Variants in MAP2 observed in about 807,000 individuals in gnomAD.
MAP2 encodes the protein microtubule associated protein 2.
Under a neutral mutation model 137.6 loss-of-function variants are expected in MAP2, and 14 were observed. The observed-to-expected ratio is 0.10, with a 90% confidence interval of 0.07 to 0.16. The LOEUF is 0.16. MAP2 is among the 10% of genes least tolerant of loss of function. MAP2 has a pLI of 1.00. For synonymous variants in MAP2, 786 were observed against 782.3 expected (o/e 1.00, Z -0.08); for missense variants, 2,088 against 2,191.5 (o/e 0.95, Z 0.94).
chr2:209,439,327 T>G (rs1697174709), intron 1 of MAP2, among the ~76,000 whole-genome samples: 1 of 151,618 alleles, frequency 6.6e-6, no homozygotes, highest in Non-Finnish European at 1.5e-5. Flanking sequence ...ATACCTATAC[T>G]TCTTTGAACA....
At chr2:209,480,676 T>TCACC (rs1559216425) in intron 1 of MAP2, among the ~76,000 whole-genome samples, 2 of 152,112 alleles carry the variant, frequency 1.3e-5, no homozygotes, top group African/African-American at 4.8e-5. Flanking sequence ...AGATTTGATA[T>TCACC]CAGTATTTAT....
At chr2:209,661,723 A>G in intron 5 of MAP2, 3 of 980,760 alleles carry the variant, frequency 3.1e-6, no homozygotes, top group Non-Finnish European at 2.4e-6. Context: ...TCTCTCTACT[A>G]GGTGAAGCTG....
At chr2:209,599,846 G>A (rs2063292) in intron 3 of MAP2, among the ~76,000 whole-genome samples, 142,092 of 152,202 alleles carry the variant, frequency 0.93, 66,797 homozygotes, top group East Asian at 1. Flanking sequence ...AATTTACCAC[G>A]CCTCAGGTGT....
intron 1 of MAP2, among the ~76,000 whole-genome samples, chr2:209,425,391 T>G (rs889659932): frequency 1.2e-4 from 18 of 152,132 alleles, no homozygotes; most frequent in Non-Finnish European, 1.5e-5. Context: ...ATATACATGT[T>G]ACAAAAGGAA....
chr2:209,616,233 T>C (rs964089679), intron 3 of MAP2, among the ~76,000 whole-genome samples: 45 of 152,308 alleles, frequency 3.0e-4, no homozygotes, highest in African/African-American at 1.1e-3. Context: ...AGGTGGGGCA[T>C]CACTGGCCCG....
At chr2:209,442,499 C>T (rs1034772810) in intron 1 of MAP2, among the ~76,000 whole-genome samples, 2 of 151,592 alleles carry the variant, frequency 1.3e-5, no homozygotes, top group Non-Finnish European at 3.0e-5. Flanking sequence ...GTTTAATTAT[C>T]AGCTTAAATT....
intron 12 of MAP2, among the ~76,000 whole-genome samples, chr2:209,706,692 GA>G (rs1482112717): frequency 6.6e-6 from 1 of 152,080 alleles, no homozygotes; most frequent in Non-Finnish European, 1.5e-5. Flanking sequence ...ATTATTTGGA[GA>G]AGAGTATCTG....
intron 2 of MAP2, chr2:209,579,346 AGACTC>A (rs1222011746): frequency 2.6e-5 from 4 of 152,244 alleles, no homozygotes; most frequent in Non-Finnish European, 5.9e-5. Flanking sequence ...ATAGGCTGAT[AGACTC>A]GACTCCTGGG....
At chr2:209,616,114 C>T (rs545724875) in intron 3 of MAP2, among the ~76,000 whole-genome samples, 2 of 152,298 alleles carry the variant, frequency 1.3e-5, no homozygotes, top group South Asian at 4.1e-4. Flanking sequence ...CCTCATTCTT[C>T]TTGGGCATGG....
At chr2:209,593,648 T>A (rs555249188) in intron 3 of MAP2, among the ~76,000 whole-genome samples, 1,601 of 51,386 alleles carry the variant, frequency 0.031, 186 homozygotes, top group African/African-American at 0.057. Flanking sequence ...TATATATATA[T>A]ATATATATAT....
chr2:209,629,972 T>G (rs1364275627), intron 4 of MAP2, among the ~76,000 whole-genome samples: 2 of 152,140 alleles, frequency 1.3e-5, no homozygotes, highest in African/African-American at 2.4e-5. Context: ...TAGTTCTTAT[T>G]AGGAGGGTGC....
At chr2:209,690,794 A>G (rs2058628710) in intron 7 of MAP2, 3 of 1,289,616 alleles carry the variant, frequency 2.3e-6, no homozygotes, top group Non-Finnish European at 3.0e-6. Flanking sequence ...GAAAAGTGTA[A>G]AAGAGGTCAA....
chr2:209,467,729 G>A (rs531491776), intron 1 of MAP2, among the ~76,000 whole-genome samples: 1 of 152,280 alleles, frequency 6.6e-6, no homozygotes, highest in African/African-American at 2.4e-5. Flanking sequence ...GAGAATAAGA[G>A]CATGGACTCT....
intron 1 of MAP2, among the ~76,000 whole-genome samples, chr2:209,464,811 G>C (rs1703731698): frequency 6.6e-6 from 1 of 152,006 alleles, no homozygotes; most frequent in African/African-American, 2.4e-5. Context: ...AATTGCCTGT[G>C]TTCCCCCAAA....
rs1189275971 is a variant in MAP2 at position 209,697,015 on chromosome 2, C to T, written c.4486C>T (p.Pro1496Ser). 1.2e-6 allele frequency: 2 copies of T among 1,612,968 alleles called. No homozygotes were observed. The highest frequency in any genetic ancestry group is 8.5e-7 in the Non-Finnish European group (1 of 1,179,748). Residue 1496 changes from proline (P) to serine (S), a missense_variant, in exon 10 of 16, where the codon CCA (proline) becomes TCA (serine). Physicochemically the swap from Pro to Ser is moderately conservative, Grantham distance 74. Around this residue, in one of 6 missense-constraint regions of MAP2, gnomAD observed 591 missense variants for 642.6 expected, o/e 0.92. Transcript: ENST00000682079. ...ILKPAIKYTRPTHLSCVKRKT... is the reference protein window; with the variant it reads ...ILKPAIKYTRSTHLSCVKRKT... ...AAAACCTGCTATCAAATATACTAGA[C>T]CAACTCATCTCTCCTGTGTTAAGCG...
intron 2 of MAP2, among the ~76,000 whole-genome samples, chr2:209,563,089 G>A (rs2072556066): frequency 6.6e-6 from 1 of 152,132 alleles, no homozygotes; most frequent in African/African-American, 2.4e-5. Context: ...CTCCTGCCAG[G>A]TCTTTAGCCT....
At chr2:209,619,246 A>G (rs903950772) in intron 3 of MAP2, among the ~76,000 whole-genome samples, 2 of 152,166 alleles carry the variant, frequency 1.3e-5, no homozygotes, top group African/African-American at 4.8e-5. Context: ...AATATATTGT[A>G]TTCCTGAAAA....
At chr2:209,472,071 CTA>C (rs1377316060) in intron 1 of MAP2, among the ~76,000 whole-genome samples, 1 of 151,950 alleles carries the variant, frequency 6.6e-6, no homozygotes, top group Non-Finnish European at 1.5e-5. Context: ...TATCATGTAA[CTA>C]TTGATTTTTT....
intron 1 of MAP2, among the ~76,000 whole-genome samples, chr2:209,445,981 A>G (rs889957539): frequency 6.6e-6 from 1 of 151,782 alleles, no homozygotes; most frequent in Non-Finnish European, 1.5e-5. Flanking sequence ...TCAATGATCC[A>G]TCACAAGATT....
Sources: gnomAD v4.1 joint callset for allele counts (sites outside exome capture counted in the v4.1 genomes callset) on GRCh38, gnomAD v4.1.1 for gene constraint, gnomAD v4.1.1 regional missense constraint, MANE v1.5 for transcripts, NCBI Gene and HGNC (gene_info 2026-07-23, HGNC 2026-07-21) for gene names.